The following AKAP9 variants were observed in gnomAD, a reference collection of about 807,000 sequenced individuals.
AKAP9 encodes A-kinase anchoring protein 9.
A neutral mutation model predicts 488.5 loss-of-function variants in AKAP9; 311 were observed. The observed-to-expected ratio is 0.64, with a 90% CI of 0.58 to 0.70. The LOEUF (loss-of-function observed/expected upper bound fraction) is 0.70. AKAP9 is among the 30% of genes least tolerant of loss of function. The pLI is 0.00. For synonymous variants in AKAP9, 1,462 were observed against 1,483.5 expected, an observed-to-expected ratio of 0.99 and a Z score of 0.33; for missense variants, 4,215 against 4,374.5, an observed-to-expected ratio of 0.96 and a Z score of 1.03.
intron 3 of AKAP9, among the ~76,000 whole-genome samples, chr7:91,984,036 T>G (rs1286290754): frequency 6.6e-6 from 1 of 152,202 alleles, no homozygotes; most frequent in Non-Finnish European, 1.5e-5. Flanking sequence ...TATTAGCCCT[T>G]TGTCAGATAA....
chr7:91,941,002 G>A lies in AKAP9; in HGVS notation c.-98G>A. 1 of 1,277,234 alleles carries A rather than the reference G, an allele frequency of 7.8e-7. No homozygotes were observed. The highest frequency in any genetic ancestry group is 1.1e-6 in the Non-Finnish European group (1 of 873,048). The allele number at this position is 1,277,234 out of a possible 1,614,324, so 79.1% of individuals were successfully genotyped here. On this transcript the variant is annotated 5_prime_UTR_variant, in exon 1 of 50. The change creates a new upstream start codon in the 5' untranslated region. Transcript: ENST00000356239. ...CCGGACCGAATCGGCTCTCTAGGCC[G>A]TGGAGCTTGCCGTCCCACCTCCGTC...
At chr7:92,018,764 C>G (rs904271463) in intron 12 of AKAP9, among the ~76,000 whole-genome samples, 1 of 152,134 alleles carries the variant, frequency 6.6e-6, no homozygotes, top group Non-Finnish European at 1.5e-5. Flanking sequence ...ATTTGATCCT[C>G]GTAATCTGAA....
chr7:91,940,912 C>T lies in AKAP9; in HGVS notation c.-188C>T. 1.5e-6 allele frequency: 1 copy of T among 653,386 alleles called. No individual in the cohort carries two copies. Among genetic ancestry groups the T allele is most frequent in the South Asian group, 1.8e-5 (1 of 55,560 alleles). 40.5% of individuals were successfully genotyped at this position (653,386 alleles called of 1,614,324 possible). The stretch of plus-strand genomic sequence containing the variant: ...GGCGGCGGCGGCGGTGACGGCGCTT[C>T]CCGTGCGGCTGAGGACGATCCGCCA... On this transcript the variant is annotated 5_prime_UTR_variant, in exon 1 of 50. Transcript: ENST00000356239.
At chr7:92,098,028 G>A (rs1456144605) in intron 42 of AKAP9, 81 bp from the exon 43 acceptor site, 7 of 959,650 alleles carry the variant, frequency 7.3e-6, no homozygotes, top group Middle Eastern at 2.1e-4. Context: ...GAAGTAGAAC[G>A]TCGCCTGCTC....
chr7:92,020,621 C>T (rs1465031134), intron 12 of AKAP9, among the ~76,000 whole-genome samples: 1 of 152,138 alleles, frequency 6.6e-6, no homozygotes, highest in Non-Finnish European at 1.5e-5. Flanking sequence ...ACCATTCTGC[C>T]TCTTTCACTA....
At chr7:92,091,564 C>T (rs896596624) in intron 38 of AKAP9, among the ~76,000 whole-genome samples, 4 of 128,238 alleles carry the variant, frequency 3.1e-5, no homozygotes, top group South Asian at 2.4e-4. Flanking sequence ...CCAGCTTGGA[C>T]GACAGGGCAA....
At chr7:92,107,195 A>C (rs901758242) in intron 47 of AKAP9, 98 bp from the exon 48 acceptor site, 12 of 1,138,988 alleles carry the variant, frequency 1.1e-5, no homozygotes, top group South Asian at 3.8e-5. Context: ...TGTATAATAT[A>C]GTATAATAGT....
chr7:92,002,535 A>G lies in AKAP9; in HGVS notation c.2618A>G (p.Lys873Arg), dbSNP rs746429266. Reference protein sequence around the residue: ...ELQEEYACLLKVKDDLEDSKN... With the variant: ...ELQEEYACLLRVKDDLEDSKN... The stretch of plus-strand genomic sequence containing the variant: ...CAAGAGGAGTATGCTTGCCTTCTCA[A>G]AGTAAAAGATGATTTAGAAGACAGT... Residue 873 changes from lysine (K) to arginine (R), a missense_variant, in exon 8 of 50, where the codon AAA becomes AGA. Physicochemically the swap from Lys to Arg is conservative, Grantham distance 26. Transcript: ENST00000356239. The G allele has an allele frequency of 1.1e-5, 17 of 1,610,392 alleles. No homozygotes were observed. In the Admixed American group the frequency reaches 1.8e-4, roughly 17 times the overall value.
At chr7:91,975,575 A>G (rs1795562106) in intron 2 of AKAP9, among the ~76,000 whole-genome samples, 1 of 152,162 alleles carries the variant, frequency 6.6e-6, no homozygotes. Context: ...CTGCAACTAA[A>G]CTAGAAATGT....
At chr7:92,044,559 GT>G (rs1806638849) in intron 20 of AKAP9, among the ~76,000 whole-genome samples, 1 of 152,080 alleles carries the variant, frequency 6.6e-6, no homozygotes, top group East Asian at 1.9e-4. Context: ...TTCAAAATAT[GT>G]TTTTATGTTT....
chr7:92,068,318 A>G (rs1232308488), intron 26 of AKAP9, among the ~76,000 whole-genome samples: 1 of 149,064 alleles, frequency 6.7e-6, no homozygotes, highest in Middle Eastern at 3.4e-3. Context: ...GTGAGCTGAG[A>G]TCACGCCACT....
At chr7:91,998,051 T>G (rs1798618592) in intron 7 of AKAP9, among the ~76,000 whole-genome samples, 1 of 152,048 alleles carries the variant, frequency 6.6e-6, no homozygotes. Context: ...GAGGGAGGAA[T>G]GGTTTTGGGA....
chr7:91,998,845 T>C (rs938028211), intron 7 of AKAP9, among the ~76,000 whole-genome samples: 3 of 152,174 alleles, frequency 2.0e-5, no homozygotes, highest in Non-Finnish European at 4.4e-5. Flanking sequence ...TAAAATGCTT[T>C]AATAGGTGAT....
At chr7:91,987,443 A>G (rs1434356640) in intron 3 of AKAP9, among the ~76,000 whole-genome samples, 2 of 152,092 alleles carry the variant, frequency 1.3e-5, no homozygotes, top group East Asian at 1.9e-4. Flanking sequence ...AAGAAAAAAG[A>G]TAATTATGAA....
chr7:92,105,764 G>A lies in AKAP9; in HGVS notation c.11416+1G>A, dbSNP rs777896862. 1.2e-6 allele frequency: 2 copies of A among 1,612,406 alleles called. No homozygotes were observed. The highest frequency in any genetic ancestry group is 1.3e-5 in the African/African-American group (1 of 74,892). ...AGAGATGGCTTTGGACTGAATCAAG[G>A]TGAAGTCAAAATAGCATATTTTCTT... On this transcript the variant is annotated splice_donor_variant, in intron 47 of 49. Transcript: ENST00000356239. LOFTEE classifies it high-confidence loss of function.
At chr7:92,097,966 A>G in intron 42 of AKAP9, 143 bp from the exon 43 acceptor site, 2 of 861,428 alleles carry the variant, frequency 2.3e-6, no homozygotes, top group Middle Eastern at 2.2e-4. Flanking sequence ...ACAACTATCT[A>G]ACACTTTGAC....
At chr7:92,023,096 A>G in intron 14 of AKAP9, 87 bp downstream of exon 14, 1 of 1,401,490 alleles carries the variant, frequency 7.1e-7, no homozygotes, top group East Asian at 2.3e-5. Context: ...TTAAAAAAGT[A>G]ACTTAAGCAA....
chr7:92,023,260 G>A lies in AKAP9; in HGVS notation c.4148+251G>A, dbSNP rs148120291. On this transcript the variant is annotated intron_variant, in intron 14 of 49. Coordinates refer to ENST00000356239, the MANE Select transcript of AKAP9 (RefSeq NM_005751.5). ...TTACATTATAAAGATGTTGGTTGTT[G>A]TTAATCTGCTTAATTAAATCGGCAG... Among the ~76,000 whole-genome samples, 73 of 152,292 alleles carry A rather than the reference G, an allele frequency of 4.8e-4. 1 individual carries two copies. The East Asian group carries it at 9.8e-3, about 21-fold the overall frequency.
Position 92,012,467 on chromosome 7 carries a change from C to A in AKAP9, c.3357C>A (p.Cys1119Ter), listed in dbSNP as rs1223874694. The change falls in exon 9 of 50, where the codon TGC becomes TGA. Residue 1119 changes from cysteine to a stop codon, truncating the protein, a stop_gained. Coordinates refer to ENST00000356239, the MANE Select transcript of AKAP9 (RefSeq NM_005751.5). LOFTEE classifies it high-confidence loss of function. ...TACAGATGGAAGCCCAACGCATTTG[C>A]CTCTCTCTGGTTTATTCAACTCATG... is the stretch of plus-strand genomic sequence containing the variant. ...LRLQMEAQRI[C>*]LSLVYSTHVD... is the part of the protein sequence containing the mutation. 1 of 1,614,004 alleles carries A rather than the reference C, an allele frequency of 6.2e-7. No homozygotes were observed. The highest frequency in any genetic ancestry group is 2.2e-5 in the East Asian group (1 of 44,840).
Sources: allele counts gnomAD v4.1 joint callset (sites outside exome capture counted in the v4.1 genomes callset), GRCh38; gene constraint gnomAD v4.1.1; transcripts MANE v1.5; gene names NCBI Gene and HGNC (gene_info 2026-07-23, HGNC 2026-07-21).